FBXO6: variants seen among roughly 807,000 people sequenced by gnomAD.
The protein encoded by FBXO6 is F-box protein 6.
A neutral mutation model predicts 25.0 loss-of-function variants in FBXO6; 13 were observed. The ratio of observed to expected loss-of-function variants is 0.52; its 90% CI spans 0.34 to 0.83. The LOEUF is 0.83. FBXO6 is among the 40% of genes least tolerant of loss of function. FBXO6 has a pLI of 0.02. For synonymous variants in FBXO6, 138 were observed against 155.3 expected, an observed-to-expected ratio of 0.89 and a Z score of 0.83; for missense variants, 370 against 380.2, an observed-to-expected ratio of 0.97 and a Z score of 0.22.
Position 11,673,496 on chromosome 1 carries a change from G to A in FBXO6, c.645+84G>A. On this transcript the variant is annotated intron_variant, in intron 5 of 5. Coordinates refer to ENST00000376753, the MANE Select transcript of FBXO6 (RefSeq NM_018438.6). The surrounding 1 kb of genome is among the most constrained non-coding windows in gnomAD (Gnocchi z 4.3). The stretch of plus-strand genomic sequence containing the variant: ...AGCAAAGGGCAGCCTCAGGGCCCAG[G>A]GTGCCCCTGCTGGCCTGGAGCTGTT... 6.3e-7 allele frequency: 1 copy of A among 1,584,310 alleles called. No individual in the cohort carries two copies. The highest frequency in any genetic ancestry group is 8.6e-7 in the Non-Finnish European group (1 of 1,162,184).
chr1:11,668,617 C>A (rs370915217), intron 1 of FBXO6, 39 bp from the exon 2 acceptor site: 2 of 1,592,946 alleles, frequency 1.3e-6, no homozygotes, highest in Admixed American at 1.7e-5. Context: ...TGAGGGCCCA[C>A]CTCCCTGGTC....
At chr1:11,665,822 G>T (rs1360477338) in intron 1 of FBXO6, among the ~76,000 whole-genome samples, 67 of 151,936 alleles carry the variant, frequency 4.4e-4, no homozygotes. Context: ...GCCTACCGAA[G>T]TGCTGGGAAT....
chr1:11,668,814 C>A lies in FBXO6; in HGVS notation c.156C>A (p.Thr52=). 1 of 1,614,164 alleles carries A rather than the reference C, an allele frequency of 6.2e-7. No individual in the cohort carries two copies. ...SLWRDLIDLM[T]LWKRKCLREG... ...GGCGGGACCTCATCGACCTCATGAC[C>A]CTCTGGAAACGCAAGTGCCTGCGAG... The change falls in exon 2 of 6, where the codon ACC becomes ACA. Residue 52 remains threonine (T), a synonymous_variant. Coordinates refer to ENST00000376753, the MANE Select transcript of FBXO6 (RefSeq NM_018438.6).
Position 11,668,879 on chromosome 1 carries a change from A to G in FBXO6, c.221A>G (p.Asp74Gly). 6.2e-7 allele frequency: 1 copy of G among 1,614,096 alleles called. No individual in the cohort carries two copies. The highest frequency in any genetic ancestry group is 2.2e-5 in the East Asian group (1 of 44,868). Residue 74 changes from aspartate (D) to glycine (G), a missense_variant, in exon 2 of 6, where the codon GAC (aspartate) becomes GGC (glycine). By Grantham distance (94) the Asp-to-Gly change is moderately conservative (BLOSUM62 -1). Transcript: ENST00000376753. ...AAGGACTGGGACCAGCCCGTGGCCG[A>G]CTGGAAAATCTTCTACTTCCTACGG... ...ITKDWDQPVA[D>G]WKIFYFLRSL... is the part of the protein sequence containing the mutation.
At chr1:11,667,965 G>A (rs938184798) in intron 1 of FBXO6, among the ~76,000 whole-genome samples, 2 of 152,010 alleles carry the variant, frequency 1.3e-5, no homozygotes, top group East Asian at 1.9e-4. Flanking sequence ...GGTGGCATGC[G>A]CCTATAGTCC....
chr1:11,667,692 A>C (rs957419371), intron 1 of FBXO6, among the ~76,000 whole-genome samples: 1 of 152,000 alleles, frequency 6.6e-6, no homozygotes, highest in Admixed American at 6.6e-5. Context: ...GGGTTGTTTT[A>C]TCACATGTGA....
intron 2 of FBXO6, among the ~76,000 whole-genome samples, chr1:11,670,639 G>A (rs376567889): frequency 3.4e-3 from 95 of 27,908 alleles, no homozygotes; most frequent in Middle Eastern, 0.015. Flanking sequence ...AAAAAAAAAA[G>A]GGGGGGGGGG....
chr1:11,673,834 G>A lies in FBXO6; in HGVS notation c.865G>A (p.Val289Ile), dbSNP rs774176415. 8 of 1,613,942 alleles carry A rather than the reference G, an allele frequency of 5.0e-6. No homozygotes were observed. Among genetic ancestry groups the A allele is most frequent in the Non-Finnish European group, 6.8e-6 (8 of 1,180,002 alleles). Residue 289 changes from valine to isoleucine, a missense_variant, in exon 6 of 6, where the codon GTT becomes ATT. By Grantham distance (29) the Val-to-Ile change is conservative. Transcript: ENST00000376753. This position sits in a 1 kb window ranked among gnomAD's most constrained non-coding sequence, Gnocchi z 4.3. ...EEAAQSPYRA[V>I]VQIF Reference sequence around the variant, plus strand: ...GGCTGCCCAATCGCCCTACCGAGCTGTTGTCCAGATTTTCTGACAGCTGTC... The same window carrying A: ...GGCTGCCCAATCGCCCTACCGAGCTATTGTCCAGATTTTCTGACAGCTGTC...
rs757028355 is a variant in FBXO6, at chr1:11,668,933, C to T, written c.275C>T (p.Pro92Leu). ...CTGCATAGGAACCTCCTGCGCAACC[C>T]GTGTGCTGAAGGTGGCATGGGGGCA... is the stretch of plus-strand genomic sequence containing the variant. ...RSLHRNLLRN[P>L]CAEEDMFAWQ... The change falls in exon 2 of 6, where the codon CCG becomes CTG. Residue 92 changes from proline (P) to leucine (L), a missense_variant. By Grantham distance (98) the Pro-to-Leu change is moderately conservative. Coordinates refer to ENST00000376753, the MANE Select transcript of FBXO6 (RefSeq NM_018438.6). 1.7e-5 allele frequency: 28 copies of T among 1,613,558 alleles called. No individual in the cohort carries two copies. The highest frequency in any genetic ancestry group is 2.2e-5 in the East Asian group (1 of 44,872).
Position 11,673,476 on chromosome 1 carries a change from AG to A in FBXO6, c.645+67del, listed in dbSNP as rs1640686094. The stretch of plus-strand genomic sequence containing the variant: ...CCAGGGCCAGGATGGCAGGAAGCAA[AG>A]GGCAGCCTCAGGGCCCAGGGTGCCC... On this transcript the variant is annotated intron_variant, in intron 5 of 5. Coordinates refer to ENST00000376753, the MANE Select transcript of FBXO6 (RefSeq NM_018438.6). This position sits in a 1 kb window ranked among gnomAD's most constrained non-coding sequence, Gnocchi z 4.3. 2.5e-6 allele frequency: 4 copies of A among 1,595,842 alleles called. No individual in the cohort carries two copies. The highest frequency in any genetic ancestry group is 1.3e-5 in the African/African-American group (1 of 74,736).
In FBXO6 at chr1:11,673,418, G is replaced by C. The variant is rs777980415; in HGVS notation, c.645+6G>C. 1.2e-5 allele frequency: 19 copies of C among 1,613,414 alleles called. No homozygotes were observed. The Admixed American group carries it at 2.7e-4, about 23-fold the overall frequency. ...ACAATGCCACATGGACAGAGGTGAGGCCTCACCCACTTGCTCTCTCTACCC... is the reference window on the plus strand; with the variant it reads ...ACAATGCCACATGGACAGAGGTGAGCCCTCACCCACTTGCTCTCTCTACCC... On this transcript the variant is annotated splice_donor_region_variant and intron_variant, in intron 5 of 5. Transcript: ENST00000376753. This position sits in a 1 kb window ranked among gnomAD's most constrained non-coding sequence, Gnocchi z 4.3.
At chr1:11,672,832 G>C (rs1288746819) in intron 4 of FBXO6, among the ~76,000 whole-genome samples, 1 of 152,250 alleles carries the variant, frequency 6.6e-6, no homozygotes, top group Non-Finnish European at 1.5e-5. Context: ...AAGCGGTGAG[G>C]ATGGAGGGGT....
chr1:11,669,095 G>A (rs2100691483), intron 2 of FBXO6, 151 bp downstream of exon 2: 1 of 1,102,530 alleles, frequency 9.1e-7, no homozygotes, highest in African/African-American at 1.6e-5. Flanking sequence ...TCAGGTCTCA[G>A]TTCAGAGACC....
intron 1 of FBXO6, among the ~76,000 whole-genome samples, chr1:11,665,553 C>CCTTTTTTT (rs1640404702): frequency 1.9e-5 from 1 of 52,758 alleles, no homozygotes; most frequent in African/African-American, 1.2e-4. Flanking sequence ...CCGCGCCCGG[C>CCTTTTTTT]CTTTTTTTTT....
intron 1 of FBXO6, among the ~76,000 whole-genome samples, chr1:11,665,187 G>A (rs1640378213): frequency 6.7e-6 from 1 of 149,166 alleles, no homozygotes; most frequent in African/African-American, 2.5e-5. Flanking sequence ...TGGGACTACA[G>A]GCACGGGCCA....
At chr1:11,667,500 A>G (rs1640475041) in intron 1 of FBXO6, among the ~76,000 whole-genome samples, 2 of 152,168 alleles carry the variant, frequency 1.3e-5, no homozygotes, top group South Asian at 4.1e-4. Flanking sequence ...TGGCCCTTCC[A>G]GGGTCGGGAC....
intron 1 of FBXO6, among the ~76,000 whole-genome samples, chr1:11,666,090 G>A (rs1337267652): frequency 7.3e-6 from 1 of 136,504 alleles, no homozygotes; most frequent in Non-Finnish European, 1.5e-5. Flanking sequence ...CCAGGCTGGA[G>A]TGCCATGGAG....
chr1:11,665,211 A>ATTT (rs1322981488), intron 1 of FBXO6, among the ~76,000 whole-genome samples: 17 of 94,392 alleles, frequency 1.8e-4, no homozygotes, highest in African/African-American at 2.3e-4. Flanking sequence ...GGCCTAGCTA[A>ATTT]TTTCTTTTTT....
intron 4 of FBXO6, among the ~76,000 whole-genome samples, chr1:11,672,621 G>A (rs1324066736): frequency 6.6e-6 from 1 of 152,224 alleles, no homozygotes; most frequent in Non-Finnish European, 1.5e-5. Flanking sequence ...GGGCAACAGA[G>A]GACCTCAGCC....
Sources: gnomAD v4.1 joint callset for allele counts (sites outside exome capture counted in the v4.1 genomes callset) on GRCh38, gnomAD v4.1.1 for gene constraint, Gnocchi (gnomAD v3.1) non-coding constraint, MANE v1.5 for transcripts, NCBI Gene and HGNC (gene_info 2026-07-23, HGNC 2026-07-21) for gene names.